The following JAZF1 variants were observed in gnomAD, a reference collection of about 807,000 sequenced individuals.
JAZF1 encodes juxtaposed with another zinc finger protein 1.
A neutral mutation model predicts 26.4 loss-of-function variants in JAZF1; 8 were observed. That is an observed-to-expected ratio of 0.30 (90% confidence interval 0.18 to 0.55). The LOEUF (loss-of-function observed/expected upper bound fraction) is 0.55, where lower values mean the gene tolerates loss of function less well. JAZF1 is among the 20% of genes least tolerant of loss of function. The pLI is 0.94. For synonymous variants in JAZF1, 126 were observed against 122.3 expected, an observed-to-expected ratio of 1.03 and a Z score of -0.20; for missense variants, 199 against 322.0, an observed-to-expected ratio of 0.62 and a Z score of 2.92.
At chr7:27,972,809 G>A (rs867795070) in intron 2 of JAZF1, among the ~76,000 whole-genome samples, 19 of 151,532 alleles carry the variant, frequency 1.3e-4, no homozygotes, top group Middle Eastern at 3.4e-3. Context: ...GATGTTACAC[G>A]AAAAACAAAA....
intron 1 of JAZF1, among the ~76,000 whole-genome samples, chr7:28,023,110 A>G (rs1451821808): frequency 5.9e-5 from 9 of 152,214 alleles, no homozygotes; most frequent in Admixed American, 2.0e-4. Flanking sequence ...GGGGTAGTAC[A>G]AACAACGTCT....
At chr7:27,947,260 C>T (rs1784935902) in intron 2 of JAZF1, among the ~76,000 whole-genome samples, 1 of 152,194 alleles carries the variant, frequency 6.6e-6, no homozygotes, top group Non-Finnish European at 1.5e-5. Flanking sequence ...CCAAAGGATG[C>T]TCATAATGTC....
At chr7:27,869,324 A>AC (rs1783539606) in intron 3 of JAZF1, among the ~76,000 whole-genome samples, 1 of 152,208 alleles carries the variant, frequency 6.6e-6, no homozygotes. Flanking sequence ...TGACGTATTT[A>AC]CCAGTAGGAC....
At chr7:27,998,910 T>C (rs1438684774) in intron 1 of JAZF1, among the ~76,000 whole-genome samples, 1 of 152,214 alleles carries the variant, frequency 6.6e-6, no homozygotes, top group Non-Finnish European at 1.5e-5. Context: ...ACTAGGATAC[T>C]TCCCAACTTT....
chr7:28,039,756 T>C (rs1783357432), intron 1 of JAZF1, among the ~76,000 whole-genome samples: 1 of 152,150 alleles, frequency 6.6e-6, no homozygotes, highest in Admixed American at 6.5e-5. Context: ...TAATTTAAAA[T>C]TCAACGTGTA....
At chr7:27,961,756 A>G (rs1443824503) in intron 2 of JAZF1, among the ~76,000 whole-genome samples, 1 of 152,218 alleles carries the variant, frequency 6.6e-6, no homozygotes, top group African/African-American at 2.4e-5. Flanking sequence ...TGTCATTTAA[A>G]CAGTTCCAGT....
chr7:27,997,825 C>A (rs563238582), intron 1 of JAZF1, among the ~76,000 whole-genome samples: 1 of 151,958 alleles, frequency 6.6e-6, no homozygotes, highest in African/African-American at 2.4e-5. Context: ...CCTCTTGCCT[C>A]GGCCTCCCAA....
chr7:28,032,861 G>A (rs763611450), intron 1 of JAZF1, among the ~76,000 whole-genome samples: 2 of 152,000 alleles, frequency 1.3e-5, no homozygotes, highest in Non-Finnish European at 2.9e-5. Flanking sequence ...AACCTGTGCC[G>A]CATCCACATG....
rs564049707 is a variant in JAZF1 at position 28,043,961 on chromosome 7, C to T, written c.116-51980G>A. Among the ~76,000 whole-genome samples the T allele has an allele frequency of 6.4e-4, 97 of 152,106 alleles. No homozygotes were observed. In the Middle Eastern group the frequency reaches 0.014, roughly 21 times the overall value. On this transcript the variant is annotated intron_variant, in intron 1 of 4. Transcript: ENST00000283928. ...TCCATAGAGGCAGAAAGCAGGTTAC[C>T]GGTTACCAGGAGCAAGGGGGAGGGT...
At chr7:27,976,120 G>A (rs947624568) in intron 2 of JAZF1, among the ~76,000 whole-genome samples, 9 of 152,060 alleles carry the variant, frequency 5.9e-5, no homozygotes, top group Non-Finnish European at 7.4e-5. Context: ...CAAGGCGGGC[G>A]GATCACGAGG....
At chr7:28,161,756 A>G (rs1783295438) in intron 1 of JAZF1, among the ~76,000 whole-genome samples, 1 of 152,178 alleles carries the variant, frequency 6.6e-6, no homozygotes, top group Non-Finnish European at 1.5e-5. Flanking sequence ...TATAAAAACC[A>G]GACTTAGAAG....
intron 1 of JAZF1, among the ~76,000 whole-genome samples, chr7:28,139,012 G>C (rs1411506797): frequency 1.3e-5 from 2 of 152,166 alleles, no homozygotes; most frequent in Non-Finnish European, 2.9e-5. Context: ...GAAGTGGAGG[G>C]GCTGAGTCAC....
intron 1 of JAZF1, among the ~76,000 whole-genome samples, chr7:28,146,465 A>C (rs1423085749): frequency 6.6e-6 from 1 of 152,214 alleles, no homozygotes; most frequent in African/African-American, 2.4e-5. Context: ...AGATAACTGA[A>C]ATTTATCTTA....
chr7:27,998,342 C>T (rs1209049600), intron 1 of JAZF1, among the ~76,000 whole-genome samples: 12 of 152,156 alleles, frequency 7.9e-5, no homozygotes, highest in African/African-American at 2.2e-4. Flanking sequence ...ATAGTTCTGT[C>T]GGCTGCAACT....
chr7:28,151,525 G>C (rs1011951846), intron 1 of JAZF1, among the ~76,000 whole-genome samples: 6 of 151,894 alleles, frequency 4.0e-5, no homozygotes, highest in African/African-American at 1.4e-4. Context: ...ATGAGGCCAG[G>C]CACGGTGGCT....
At chr7:27,889,149 A>T (rs1219800640) in intron 3 of JAZF1, among the ~76,000 whole-genome samples, 4 of 152,196 alleles carry the variant, frequency 2.6e-5, no homozygotes, top group African/African-American at 9.7e-5. Flanking sequence ...GAGCTTTTAA[A>T]AACTCCCAAT....
chr7:28,110,252 C>T (rs761926868), intron 1 of JAZF1, among the ~76,000 whole-genome samples: 22 of 151,894 alleles, frequency 1.4e-4, no homozygotes, highest in Non-Finnish European at 2.8e-4. Flanking sequence ...ACAGTGAAAC[C>T]CCATTTCTGA....
At chr7:27,930,811 T>A (rs1340720189) in intron 2 of JAZF1, among the ~76,000 whole-genome samples, 2 of 148,290 alleles carry the variant, frequency 1.3e-5, no homozygotes, top group Admixed American at 1.4e-4. Flanking sequence ...AATAATTTTA[T>A]CCTATAGACA....
intron 1 of JAZF1, among the ~76,000 whole-genome samples, chr7:28,067,976 C>T (rs796638672): frequency 1.2e-4 from 18 of 152,214 alleles, no homozygotes; most frequent in African/African-American, 3.9e-4. Flanking sequence ...TGCAATGGTG[C>T]GATCTCAGCT....
Sources: allele counts gnomAD v4.1 joint callset (sites outside exome capture counted in the v4.1 genomes callset), GRCh38; gene constraint gnomAD v4.1.1; transcripts MANE v1.5; gene names NCBI Gene and HGNC (gene_info 2026-07-23, HGNC 2026-07-21).